Variants in SOX5 observed in about 807,000 individuals in gnomAD.
SOX5 encodes the protein SRY-box transcription factor 5.
SOX5 carries 9 observed loss-of-function variants against 92.0 expected under a neutral mutation model. That is an observed-to-expected ratio of 0.10 (90% CI 0.06 to 0.17). SOX5 has a LOEUF of 0.17. SOX5 is among the 10% of genes least tolerant of loss of function. The probability of loss-of-function intolerance (pLI) is 1.00; values close to 1 mark genes in which losing one functional copy is unlikely to be tolerated. For missense variants in SOX5, 642 were observed against 944.5 expected, an observed-to-expected ratio of 0.68 and a Z score of 4.20; for synonymous variants, 344 against 336.3, an observed-to-expected ratio of 1.02 and a Z score of -0.25.
Position 23,555,518 on chromosome 12 carries a change from C to G in SOX5, c.1488+7740G>C, listed in dbSNP as rs1445286284. On this transcript the variant is annotated intron_variant, in intron 11 of 14. Transcript: ENST00000451604. Reference sequence around the variant, plus strand: ...AAACCTTTAAAAAGCTCCTTAAAAACTCACACCATAATTGCTCCCCACCAA... The same window carrying G: ...AAACCTTTAAAAAGCTCCTTAAAAAGTCACACCATAATTGCTCCCCACCAA... Among the ~76,000 whole-genome samples, 7 of 151,206 alleles carry G rather than the reference C, an allele frequency of 4.6e-5. No individual in the cohort carries two copies. The East Asian group carries it at 1.2e-3, about 25-fold the overall frequency.
intron 9 of SOX5, among the ~76,000 whole-genome samples, chr12:23,591,563 G>A (rs535725878): frequency 6.6e-6 from 1 of 152,070 alleles, no homozygotes; most frequent in Non-Finnish European, 1.5e-5. Flanking sequence ...TTACCTAGAG[G>A]TTCTCTTAAA....
chr12:23,657,843 A>G (rs1284764240), intron 7 of SOX5, among the ~76,000 whole-genome samples: 1 of 152,218 alleles, frequency 6.6e-6, no homozygotes, highest in African/African-American at 2.4e-5. Flanking sequence ...ACTCATGTTG[A>G]AAAGAGAATA....
chr12:23,949,766 GTCTCTCTCTCTCTCTCTCTCTC>G (rs143438082), upstream of SOX5: 2 of 473,016 alleles, frequency 4.2e-6, no homozygotes, highest in Non-Finnish European at 6.7e-6. Flanking sequence ...CTCTCTCTCT[GTCTCTCTCTCTCTCTCTCTCTC>G]TCTCTTTCTC....
rs143574362 is a variant in SOX5 at position 23,765,776 on chromosome 12, A to T, written c.482-10052T>A. 4.8e-3 allele frequency among the ~76,000 whole-genome samples: 734 copies of T among 152,226 alleles called. 7 individuals carry two copies. The highest frequency in any genetic ancestry group is 0.012 in the South Asian group (56 of 4,820). On this transcript the variant is annotated intron_variant, in intron 3 of 14. Transcript: ENST00000451604. ...CCATCTTCTTTATTTTGCACAGTTC[A>T]CACAAACATGCATGCTCACATACAC...
chr12:24,302,254 G>T (rs1356295069), intron 2 of SOX5, among the ~76,000 whole-genome samples: 1 of 151,996 alleles, frequency 6.6e-6, no homozygotes, highest in East Asian at 1.9e-4. Flanking sequence ...TGTCCATGGG[G>T]TATTATTCAA....
At chr12:24,218,548 TTGGGTAGTGG>T (rs2139765231) in intron 3 of SOX5, among the ~76,000 whole-genome samples, 1 of 152,152 alleles carries the variant, frequency 6.6e-6, no homozygotes, top group Admixed American at 6.5e-5. Context: ...TATTTTAAAA[TTGGGTAGTGG>T]TGACACTGAA....
At position 23,807,363 on chromosome 12, in the gene SOX5, GTGGGTCCTA is replaced by G. The variant is rs138987237; in HGVS notation, c.481+38611_481+38619del. Among the ~76,000 whole-genome samples the G allele has an allele frequency of 4.1e-3, 617 of 152,318 alleles. 3 individuals carry two copies. The highest frequency in any genetic ancestry group is 5.9e-3 in the Non-Finnish European group (402 of 68,018). Reference sequence around the variant, plus strand: ...GTCAAGTTGAGATAAGGTCATTAGAGTGGGTCCTATGGGTCCTAATTCAGTATGATTGAG... The same window carrying G: ...GTCAAGTTGAGATAAGGTCATTAGAGTGGGTCCTAATTCAGTATGATTGAG... On this transcript the variant is annotated intron_variant, in intron 3 of 14. Coordinates refer to ENST00000451604, the MANE Select transcript of SOX5 (RefSeq NM_006940.6).
At chr12:24,378,689 A>G (rs948421727) in intron 1 of SOX5, among the ~76,000 whole-genome samples, 6 of 152,252 alleles carry the variant, frequency 3.9e-5, no homozygotes, top group Non-Finnish European at 1.5e-5. Context: ...GACAGAGCTC[A>G]GAGGAAATAG....
At chr12:24,064,990 C>A (rs1311196161) in intron 4 of SOX5, among the ~76,000 whole-genome samples, 8 of 152,154 alleles carry the variant, frequency 5.3e-5, no homozygotes, top group African/African-American at 1.9e-4. Context: ...AAAATGGAAA[C>A]TGGAAGGCAA....
chr12:24,225,132 TAA>T (rs1470939885), intron 3 of SOX5, among the ~76,000 whole-genome samples: 1 of 152,234 alleles, frequency 6.6e-6, no homozygotes, highest in Non-Finnish European at 1.5e-5. Context: ...ATCAAAAGTA[TAA>T]ACCTCATTGT....
chr12:23,815,443 C>A (rs560951469), intron 3 of SOX5, among the ~76,000 whole-genome samples: 2 of 152,258 alleles, frequency 1.3e-5, no homozygotes, highest in East Asian at 3.9e-4. Context: ...CTAATCAACA[C>A]CAATAATAAA....
At chr12:24,176,586 G>A (rs1954836737) in intron 4 of SOX5, among the ~76,000 whole-genome samples, 1 of 152,190 alleles carries the variant, frequency 6.6e-6, no homozygotes, top group Non-Finnish European at 1.5e-5. Context: ...TGATTGTATG[G>A]CTGGTGCAAA....
intron 1 of SOX5, among the ~76,000 whole-genome samples, chr12:24,489,432 T>C (rs1946832372): frequency 6.6e-6 from 1 of 152,136 alleles, no homozygotes; most frequent in Admixed American, 6.5e-5. Context: ...CTAAGTGGAC[T>C]TGCGGGAGGC....
intron 1 of SOX5, among the ~76,000 whole-genome samples, chr12:24,546,489 T>A (rs2138877294): frequency 6.6e-6 from 1 of 152,298 alleles, no homozygotes; most frequent in East Asian, 1.9e-4. Flanking sequence ...CCCTGTACTC[T>A]ACGCTCTACC....
intron 7 of SOX5, among the ~76,000 whole-genome samples, chr12:23,649,294 GTT>G (rs1001792938): frequency 6.6e-6 from 1 of 151,840 alleles, no homozygotes; most frequent in African/African-American, 2.4e-5. Flanking sequence ...AAAAAAAAGA[GTT>G]TTTATTGAAG....
chr12:24,455,353 T>A (rs918599804), intron 1 of SOX5, among the ~76,000 whole-genome samples: 1 of 152,190 alleles, frequency 6.6e-6, no homozygotes, highest in Non-Finnish European at 1.5e-5. Flanking sequence ...CTTGTATAAC[T>A]ATTATTTTTT....
intron 7 of SOX5, among the ~76,000 whole-genome samples, chr12:23,653,703 C>A (rs2081971559): frequency 6.6e-6 from 1 of 152,086 alleles, no homozygotes. Flanking sequence ...GTAGAAGGAG[C>A]AAGGCAGCTC....
chr12:24,243,695 A>G (rs182283265), intron 3 of SOX5, among the ~76,000 whole-genome samples: 80 of 152,284 alleles, frequency 5.3e-4, no homozygotes, highest in Non-Finnish European at 1.0e-3. Context: ...CAGGATTTTC[A>G]TTCATTAAGT....
intron 4 of SOX5, among the ~76,000 whole-genome samples, chr12:24,141,562 A>T (rs11047280): frequency 0.025 from 3,796 of 152,306 alleles, 161 homozygotes; most frequent in African/African-American, 0.086. Flanking sequence ...AACGGCTGGA[A>T]GAATCCTTCA....
Sources: gnomAD v4.1 joint callset for allele counts (sites outside exome capture counted in the v4.1 genomes callset) on GRCh38, gnomAD v4.1.1 for gene constraint, MANE v1.5 for transcripts, NCBI Gene and HGNC (gene_info 2026-07-23, HGNC 2026-07-21) for gene names.